The following EYS variants were observed in gnomAD, a reference collection of about 807,000 sequenced individuals.
EYS encodes the protein EGF-like photoreceptor maintenance factor.
EYS carries 250 observed loss-of-function variants against 282.1 expected under a neutral mutation model. The ratio of observed to expected loss-of-function variants is 0.89; its 90% CI spans 0.80 to 0.98. The LOEUF is 0.98. Ranked by LOEUF, EYS falls within the 50% of genes least tolerant of loss-of-function variation. The pLI is 0.00. For synonymous variants in EYS, 1,355 were observed against 1,282.9 expected, an observed-to-expected ratio of 1.06 and a Z score of -1.20; for missense variants, 4,016 against 3,709.0, an observed-to-expected ratio of 1.08 and a Z score of -2.15.
rs116719352 is a variant in EYS at position 63,976,468 on chromosome 6, C to T, written c.7055+7915G>A. Among the ~76,000 whole-genome samples, 1,505 of 152,120 alleles carry T rather than the reference C, an allele frequency of 9.9e-3. 22 individuals are homozygous for T. The highest frequency in any genetic ancestry group is 0.036 in the East Asian group (187 of 5,160). ...CCAGGACTCTGTGAAGTTACATGCT[C>T]ACTTGTAGGCTGTGGTTTGATGGAG... On this transcript the variant is annotated intron_variant, in intron 35 of 42. Coordinates refer to ENST00000503581, the MANE Select transcript of EYS (RefSeq NM_001142800.2).
chr6:64,614,318 T>C (rs755466030), intron 24 of EYS, among the ~76,000 whole-genome samples: 3 of 152,170 alleles, frequency 2.0e-5, no homozygotes, highest in Admixed American at 6.6e-5. Flanking sequence ...TAAAATGTTA[T>C]GCTACAGGCC....
chr6:65,258,443 A>T (rs2150256304), intron 12 of EYS, among the ~76,000 whole-genome samples: 1 of 152,158 alleles, frequency 6.6e-6, no homozygotes, highest in East Asian at 1.9e-4. Flanking sequence ...TTATTGACGT[A>T]TTTAACATTT....
chr6:65,592,157 A>G (rs1225879134), intron 2 of EYS, among the ~76,000 whole-genome samples: 1 of 151,414 alleles, frequency 6.6e-6, no homozygotes, highest in Non-Finnish European at 1.5e-5. Flanking sequence ...TTCACTTTTC[A>G]TAGTTAATTT....
rs147122904 is a variant in EYS at position 64,857,896 on chromosome 6, C to T, written c.2992+28801G>A. ...TTTTCATATACCTATCGACCATTTG[C>T]ATGTCTTCTTTTGAAAAATGTCTGA... On this transcript the variant is annotated intron_variant, in intron 19 of 42. Transcript: ENST00000503581. Among the ~76,000 whole-genome samples, 260 of 152,122 alleles carry T rather than the reference C, an allele frequency of 1.7e-3. 1 individual carries two copies. The highest frequency in any genetic ancestry group is 6.0e-3 in the African/African-American group (249 of 41,512).
chr6:63,829,238 AG>A (rs1771557094), intron 36 of EYS, among the ~76,000 whole-genome samples: 1 of 152,074 alleles, frequency 6.6e-6, no homozygotes, highest in South Asian at 2.1e-4. Flanking sequence ...TCAGATAGTG[AG>A]TGCAGCCTAT....
chr6:64,931,479 A>T (rs1252179483), intron 15 of EYS, among the ~76,000 whole-genome samples: 1 of 152,106 alleles, frequency 6.6e-6, no homozygotes, highest in African/African-American at 2.4e-5. Context: ...TTTCAAAATT[A>T]TAAAGAGATG....
At chr6:64,429,652 AC>A in intron 28 of EYS, among the ~76,000 whole-genome samples, 1 of 152,204 alleles carries the variant, frequency 6.6e-6, no homozygotes, top group Middle Eastern at 3.4e-3. Flanking sequence ...TCAAAGAAAA[AC>A]TTAAACATGG....
At chr6:64,861,963 T>G (rs1766253331) in intron 19 of EYS, among the ~76,000 whole-genome samples, 1 of 152,230 alleles carries the variant, frequency 6.6e-6, no homozygotes, top group Admixed American at 6.5e-5. Context: ...CCGAATAATT[T>G]TTTAACATTG....
chr6:64,127,528 A>G (rs1436294277), intron 31 of EYS, among the ~76,000 whole-genome samples: 1 of 152,140 alleles, frequency 6.6e-6, no homozygotes, highest in Non-Finnish European at 1.5e-5. Flanking sequence ...TTGTGTTCAA[A>G]ATGATTTCTC....
chr6:64,810,804 G>A (rs1583182020), intron 22 of EYS, among the ~76,000 whole-genome samples: 1 of 152,016 alleles, frequency 6.6e-6, no homozygotes, highest in South Asian at 2.1e-4. Context: ...ACAGACCTTA[G>A]CAAAATCATT....
intron 26 of EYS, among the ~76,000 whole-genome samples, chr6:64,514,795 A>G (rs1403912952): frequency 6.6e-6 from 1 of 151,826 alleles, no homozygotes; most frequent in Non-Finnish European, 1.5e-5. Context: ...GAGAATTTGA[A>G]ATTCAAACTC....
At chr6:65,533,702 T>A (rs1470765542) in intron 2 of EYS, among the ~76,000 whole-genome samples, 2 of 152,086 alleles carry the variant, frequency 1.3e-5, no homozygotes, top group Non-Finnish European at 2.9e-5. Flanking sequence ...TGAGGACACA[T>A]AGAAGATGCC....
At chr6:64,322,913 G>A (rs1281960245) in intron 29 of EYS, among the ~76,000 whole-genome samples, 1 of 151,956 alleles carries the variant, frequency 6.6e-6, no homozygotes, top group Non-Finnish European at 1.5e-5. Context: ...CTCTCAGCAA[G>A]AACAGACATG....
intron 5 of EYS, among the ~76,000 whole-genome samples, chr6:65,443,579 T>C (rs1768519309): frequency 6.6e-6 from 1 of 151,734 alleles, no homozygotes; most frequent in Non-Finnish European, 1.5e-5. Context: ...CATATGTGTA[T>C]ATACACATAT....
chr6:64,104,684 T>C (rs1772945724), intron 31 of EYS, among the ~76,000 whole-genome samples: 3 of 151,802 alleles, frequency 2.0e-5, no homozygotes, highest in East Asian at 1.9e-4. Flanking sequence ...AAGATGGTAA[T>C]GTCTCTATGA....
intron 26 of EYS, among the ~76,000 whole-genome samples, chr6:64,526,845 C>T (rs1174826658): frequency 1.3e-5 from 2 of 151,732 alleles, no homozygotes; most frequent in Admixed American, 6.6e-5. Flanking sequence ...ACTTATGTGC[C>T]ACTATTTATT....
chr6:65,017,497 T>C (rs182594515), intron 13 of EYS, among the ~76,000 whole-genome samples: 41 of 152,322 alleles, frequency 2.7e-4, no homozygotes, highest in African/African-American at 9.4e-4. Context: ...TTATCACTTC[T>C]TCATGTTAGT....
At chr6:64,201,495 A>G (rs1765458875) in intron 31 of EYS, among the ~76,000 whole-genome samples, 1 of 152,174 alleles carries the variant, frequency 6.6e-6, no homozygotes, top group Non-Finnish European at 1.5e-5. Context: ...ACACAGGATT[A>G]GAATTATCAG....
chr6:65,463,635 C>T (rs1764894983), intron 5 of EYS, among the ~76,000 whole-genome samples: 1 of 152,058 alleles, frequency 6.6e-6, no homozygotes, highest in African/African-American at 2.4e-5. Flanking sequence ...AATTCATGAT[C>T]AAATATTGCT....
Sources: gnomAD v4.1 joint callset for allele counts (sites outside exome capture counted in the v4.1 genomes callset) on GRCh38, gnomAD v4.1.1 for gene constraint, MANE v1.5 for transcripts, NCBI Gene and HGNC (gene_info 2026-07-23, HGNC 2026-07-21) for gene names.